Variants in SORCS3 observed in about 807,000 individuals in gnomAD.
The protein encoded by SORCS3 is VPS10 domain-containing receptor SorCS3.
A neutral mutation model predicts 146.3 loss-of-function variants in SORCS3; 57 were observed. The ratio of observed to expected loss-of-function variants is 0.39; its 90% CI spans 0.31 to 0.49. The LOEUF (loss-of-function observed/expected upper bound fraction) is 0.49. SORCS3 is among the 20% of genes least tolerant of loss of function. SORCS3 has a pLI of 0.92. For missense variants in SORCS3, 1,341 were observed against 1,575.5 expected (o/e 0.85, Z 2.52); for synonymous variants, 653 against 618.5 (o/e 1.06, Z -0.83).
intron 5 of SORCS3, among the ~76,000 whole-genome samples, chr10:105,054,270 A>G (rs886668598): frequency 1.3e-5 from 2 of 151,914 alleles, no homozygotes; most frequent in Non-Finnish European, 2.9e-5. Flanking sequence ...AATTTATGTT[A>G]TCGAATCTTT....
At chr10:105,017,849 T>C (rs150236906) in intron 4 of SORCS3, among the ~76,000 whole-genome samples, 6 of 152,286 alleles carry the variant, frequency 3.9e-5, no homozygotes, top group Admixed American at 3.9e-4. Flanking sequence ...TTCCCTGTAG[T>C]GGAATAAGAA....
chr10:105,071,458 A>G (rs2055555784), intron 5 of SORCS3, among the ~76,000 whole-genome samples: 4 of 152,246 alleles, frequency 2.6e-5, no homozygotes, highest in Admixed American at 2.6e-4. Flanking sequence ...TAGTAAGTCC[A>G]GATACCGTGC....
chr10:104,912,826 T>C (rs1485650660), intron 2 of SORCS3, among the ~76,000 whole-genome samples: 1 of 152,042 alleles, frequency 6.6e-6, no homozygotes, highest in African/African-American at 2.4e-5. Context: ...AATGCTTAAA[T>C]AGAAATGCGT....
intron 1 of SORCS3, among the ~76,000 whole-genome samples, chr10:104,748,387 T>C (rs1056012233): frequency 2.0e-5 from 3 of 152,222 alleles, no homozygotes; most frequent in Non-Finnish European, 4.4e-5. Flanking sequence ...ATTATCAGTA[T>C]ATCAGTTCAG....
chr10:104,842,928 T>C (rs2018159542), intron 2 of SORCS3, 69 bp downstream of exon 2: 1 of 1,241,860 alleles, frequency 8.1e-7, no homozygotes, highest in South Asian at 1.2e-5. Context: ...AGCTAAGCAG[T>C]TGGGAAGTGT....
At chr10:104,642,022 G>GCA in intron 1 of SORCS3, 68 bp downstream of exon 1, 2 of 173,334 alleles carry the variant, frequency 1.2e-5, no homozygotes, top group Non-Finnish European at 2.2e-5. Context: ...GGGTGGGTGG[G>GCA]AGCGAGGGAC....
At position 105,255,889 on chromosome 10, in the gene SORCS3, A is replaced by G. The variant is rs1375283634; in HGVS notation, c.3337+88A>G. On this transcript the variant is annotated intron_variant, in intron 24 of 26. Coordinates refer to ENST00000369701, the MANE Select transcript of SORCS3 (RefSeq NM_014978.3). Reference sequence around the variant, plus strand: ...GGAGAGAATCATGAAACCCTGCTGCATAATGTCTGAAAGTGGCTTTGTAGA... The same window carrying G: ...GGAGAGAATCATGAAACCCTGCTGCGTAATGTCTGAAAGTGGCTTTGTAGA... 54 of 1,082,506 alleles carry G rather than the reference A, an allele frequency of 5.0e-5. 1 individual carries two copies. The East Asian group carries it at 5.5e-4, about 11-fold the overall frequency. The allele number at this position is 1,082,506 out of a possible 1,614,324, so 67.1% of individuals were successfully genotyped here. A position where few individuals can be genotyped will look rare whatever the true frequency, so the allele number is the denominator to read the frequency against.
At chr10:104,743,380 A>G (rs1219450158) in intron 1 of SORCS3, among the ~76,000 whole-genome samples, 1 of 152,210 alleles carries the variant, frequency 6.6e-6, no homozygotes, top group African/African-American at 2.4e-5. Flanking sequence ...CATTCAGGAA[A>G]CATTTATTAA....
chr10:104,845,945 T>C (rs983935438), intron 2 of SORCS3, among the ~76,000 whole-genome samples: 4 of 151,846 alleles, frequency 2.6e-5, no homozygotes, highest in Non-Finnish European at 4.4e-5. Flanking sequence ...CCGGAGGGTG[T>C]GGAGATTGAC....
intron 1 of SORCS3, among the ~76,000 whole-genome samples, chr10:104,649,124 G>C (rs1201366840): frequency 2.6e-5 from 4 of 152,146 alleles, no homozygotes; most frequent in Non-Finnish European, 5.9e-5. Context: ...ATTCATATTT[G>C]TGGAGAGATT....
chr10:104,982,648 C>T (rs542901038), intron 4 of SORCS3, among the ~76,000 whole-genome samples: 1 of 152,340 alleles, frequency 6.6e-6, no homozygotes, highest in East Asian at 1.9e-4. Flanking sequence ...ATATCTCTAG[C>T]TCTGCTCACC....
rs1400179026 is a variant in SORCS3, at chr10:105,247,205, C to A, written c.2993-14C>A. ...ACTCTCCCAGCCTCACTTAAACATTCTCTCTCCCTGCAGAATATTTCCAGT... is the reference window on the plus strand; with the variant it reads ...ACTCTCCCAGCCTCACTTAAACATTATCTCTCCCTGCAGAATATTTCCAGT... On this transcript the variant is annotated splice_polypyrimidine_tract_variant and intron_variant, in intron 21 of 26. Transcript: ENST00000369701. 6 of 1,487,090 alleles carry A rather than the reference C, an allele frequency of 4.0e-6. No homozygotes were observed. The highest frequency in any genetic ancestry group is 5.6e-6 in the Non-Finnish European group (6 of 1,068,354). The allele number at this position is 1,487,090 out of a possible 1,614,324, so 92.1% of individuals were successfully genotyped here.
At chr10:104,866,545 C>T (rs377658460) in intron 2 of SORCS3, among the ~76,000 whole-genome samples, 50 of 152,272 alleles carry the variant, frequency 3.3e-4, no homozygotes, top group African/African-American at 1.2e-3. Context: ...CTAGATGCCT[C>T]AGTTATCAGC....
intron 1 of SORCS3, among the ~76,000 whole-genome samples, chr10:104,746,081 G>A (rs1294960156): frequency 6.6e-6 from 1 of 151,272 alleles, no homozygotes; most frequent in East Asian, 1.9e-4. Flanking sequence ...TGTTTTAATT[G>A]ACAAATAATA....
At chr10:104,933,791 G>A (rs2019233457) in intron 3 of SORCS3, among the ~76,000 whole-genome samples, 1 of 152,040 alleles carries the variant, frequency 6.6e-6, no homozygotes, top group African/African-American at 2.4e-5. Context: ...TCCTCTTTCA[G>A]TGTTCAGCTT....
At position 104,748,601 on chromosome 10, in the gene SORCS3, C is replaced by T. The variant is rs559100361; in HGVS notation, c.628-94191C>T. Among the ~76,000 whole-genome samples, 5 of 152,194 alleles carry T rather than the reference C, an allele frequency of 3.3e-5. No individual in the cohort carries two copies. In the South Asian group the frequency reaches 1.0e-3, roughly 32 times the overall value. ...GGTGCAGTGGCTCACACCTGTAATC[C>T]CAGCACTTTGGGAGGCCAGGGAAGG... On this transcript the variant is annotated intron_variant, in intron 1 of 26. Coordinates refer to ENST00000369701, the MANE Select transcript of SORCS3 (RefSeq NM_014978.3).
intron 20 of SORCS3, among the ~76,000 whole-genome samples, chr10:105,240,692 A>C (rs1453045665): frequency 1.3e-5 from 2 of 152,106 alleles, no homozygotes; most frequent in Non-Finnish European, 2.9e-5. Flanking sequence ...TCAACAATGG[A>C]ATGCAAAATT....
chr10:105,078,638 T>TA (rs751684846), intron 5 of SORCS3, among the ~76,000 whole-genome samples: 31 of 152,334 alleles, frequency 2.0e-4, no homozygotes, highest in Admixed American at 3.3e-4. Context: ...TAGTTGCACT[T>TA]ACGATATTTT....
intron 1 of SORCS3, among the ~76,000 whole-genome samples, chr10:104,820,773 A>G (rs2017863410): frequency 6.6e-6 from 1 of 152,232 alleles, no homozygotes; most frequent in African/African-American, 2.4e-5. Flanking sequence ...GTAGTGAGAG[A>G]AGATAAAATA....
Sources: allele counts gnomAD v4.1 joint callset (sites outside exome capture counted in the v4.1 genomes callset), GRCh38; gene constraint gnomAD v4.1.1; transcripts MANE v1.5; gene names NCBI Gene and HGNC (gene_info 2026-07-23, HGNC 2026-07-21).